PARVA: variants seen among roughly 807,000 people sequenced by gnomAD.
PARVA encodes parvin alpha, also known as alpha-parvin.
Under a neutral mutation model 52.6 loss-of-function variants are expected in PARVA, and 25 were observed. That is an observed-to-expected ratio of 0.48 (90% CI 0.35 to 0.66). PARVA has a LOEUF of 0.66. Among genes scored for constraint, PARVA ranks in the 30% least tolerant of loss-of-function variants. The pLI, the probability that PARVA is intolerant of heterozygous loss-of-function variation, is 0.01. For missense variants in PARVA, 373 were observed against 450.9 expected (o/e 0.83, Z 1.56); for synonymous variants, 185 against 179.1 (o/e 1.03, Z -0.26).
In PARVA at chr11:12,418,265, T is replaced by C. The variant is rs12574197; in HGVS notation, c.136+40482T>C. Among the ~76,000 whole-genome samples the C allele has an allele frequency of 0.021, 3,149 of 152,158 alleles. 199 individuals carry two copies. In the East Asian group the frequency reaches 0.25, roughly 12 times the overall value. Reference sequence around the variant, plus strand: ...GTGACAGACACTCCCAGTCCCTGGGTGGGTGATGTGAGTTTTGTTCCCTTA... The same window carrying C: ...GTGACAGACACTCCCAGTCCCTGGGCGGGTGATGTGAGTTTTGTTCCCTTA... On this transcript the variant is annotated intron_variant, in intron 1 of 12. Transcript: ENST00000334956.
intron 1 of PARVA, among the ~76,000 whole-genome samples, chr11:12,459,859 C>T (rs913987959): frequency 2.0e-5 from 3 of 152,086 alleles, no homozygotes; most frequent in African/African-American, 7.2e-5. Context: ...TCTTAAAGAG[C>T]ATGTTTTTCT....
chr11:12,421,476 C>T (rs1940148981), intron 1 of PARVA, among the ~76,000 whole-genome samples: 1 of 152,040 alleles, frequency 6.6e-6, no homozygotes, highest in South Asian at 2.1e-4. Flanking sequence ...TTTAATCTGC[C>T]TTTTAAAATC....
chr11:12,476,636 GA>G (rs1167269515), intron 3 of PARVA, among the ~76,000 whole-genome samples: 5 of 152,074 alleles, frequency 3.3e-5, no homozygotes, highest in Non-Finnish European at 7.4e-5. Context: ...CCCAGGATTT[GA>G]ACTCTTTATG....
chr11:12,439,055 AGGATGCAT>A (rs1430673893), intron 1 of PARVA, among the ~76,000 whole-genome samples: 1 of 152,160 alleles, frequency 6.6e-6, no homozygotes, highest in Admixed American at 6.5e-5. Context: ...TGGGAAAGAG[AGGATGCAT>A]GAATAAGACT....
intron 1 of PARVA, among the ~76,000 whole-genome samples, chr11:12,463,739 A>C (rs78922444): frequency 0.033 from 5,030 of 152,252 alleles, 307 homozygotes; most frequent in African/African-American, 0.11. Context: ...AGGATCTATG[A>C]AAATTTGAAA....
In PARVA at chr11:12,481,853, G is replaced by A. The variant is rs183114269; in HGVS notation, c.400+3904G>A. On this transcript the variant is annotated intron_variant, in intron 4 of 12. Transcript: ENST00000334956. ...GGCATAGGGGCCTCTCGTAGCCCAG[G>A]AGCATACACATCTGACATCAAGAAA... 8.3e-4 allele frequency among the ~76,000 whole-genome samples: 126 copies of A among 152,180 alleles called. 1 individual carries two copies. The South Asian group carries it at 0.016, about 20-fold the overall frequency.
At chr11:12,517,584 G>T in intron 10 of PARVA, 26 bp from the exon 11 acceptor site, 1 of 1,524,644 alleles carries the variant, frequency 6.6e-7, no homozygotes, top group East Asian at 2.4e-5. Flanking sequence ...TCAGGGGCCA[G>T]TGCCATCACC....
intron 1 of PARVA, among the ~76,000 whole-genome samples, chr11:12,382,672 A>C (rs1248176310): frequency 6.6e-6 from 1 of 152,224 alleles, no homozygotes; most frequent in Non-Finnish European, 1.5e-5. Context: ...ACAGTGTTAG[A>C]GTCCAAGAGA....
chr11:12,456,602 T>C (rs1017782643), intron 1 of PARVA, among the ~76,000 whole-genome samples: 11 of 152,098 alleles, frequency 7.2e-5, no homozygotes, highest in African/African-American at 2.4e-4. Flanking sequence ...CTAAGGGCAC[T>C]CCACAGTTCC....
intron 1 of PARVA, among the ~76,000 whole-genome samples, chr11:12,394,951 C>T (rs772587734): frequency 1.6e-4 from 25 of 152,048 alleles, no homozygotes; most frequent in Non-Finnish European, 2.8e-4. Flanking sequence ...ATTACCTGGG[C>T]GTGGTGGCTC....
chr11:12,394,898 C>A (rs1036440717), intron 1 of PARVA, among the ~76,000 whole-genome samples: 2 of 152,082 alleles, frequency 1.3e-5, no homozygotes, highest in South Asian at 4.1e-4. Flanking sequence ...TCTAGACCAG[C>A]CTGACCAACA....
At chr11:12,411,678 G>A (rs746408247) in intron 1 of PARVA, among the ~76,000 whole-genome samples, 13 of 152,120 alleles carry the variant, frequency 8.5e-5, no homozygotes, top group African/African-American at 1.4e-4. Context: ...ATGGTTAGAC[G>A]GAATTGAACA....
chr11:12,506,364 T>A (rs1941431066), intron 6 of PARVA, among the ~76,000 whole-genome samples: 1 of 152,254 alleles, frequency 6.6e-6, no homozygotes, highest in African/African-American at 2.4e-5. Flanking sequence ...TGCCCTTCTT[T>A]ATCTTCTCTT....
chr11:12,490,082 G>A (rs1424505653), intron 4 of PARVA, among the ~76,000 whole-genome samples: 1 of 152,114 alleles, frequency 6.6e-6, no homozygotes, highest in Non-Finnish European at 1.5e-5. Flanking sequence ...CGGGTGTGGT[G>A]GTGGGCACCT....
At chr11:12,411,514 A>G (rs1490913390) in intron 1 of PARVA, among the ~76,000 whole-genome samples, 1 of 152,172 alleles carries the variant, frequency 6.6e-6, no homozygotes, top group Non-Finnish European at 1.5e-5. Flanking sequence ...GGAAGGTACC[A>G]TAGTACATTA....
At chr11:12,413,612 T>C (rs1200765166) in intron 1 of PARVA, among the ~76,000 whole-genome samples, 1 of 152,222 alleles carries the variant, frequency 6.6e-6, no homozygotes. Context: ...AGCAGACTCC[T>C]CCTTCCAAGG....
chr11:12,453,437 A>G (rs1940651068), intron 1 of PARVA, among the ~76,000 whole-genome samples: 1 of 152,066 alleles, frequency 6.6e-6, no homozygotes, highest in African/African-American at 2.4e-5. Context: ...TTTTCCTAAG[A>G]CCTGACAGTG....
chr11:12,432,581 A>T (rs1328168217), intron 1 of PARVA, among the ~76,000 whole-genome samples: 3 of 152,240 alleles, frequency 2.0e-5, no homozygotes, highest in Non-Finnish European at 4.4e-5. Context: ...AGAAACAAGG[A>T]TGTTGAAGTT....
chr11:12,475,644 A>T (rs1003005206), intron 3 of PARVA, among the ~76,000 whole-genome samples: 15 of 152,184 alleles, frequency 9.9e-5, no homozygotes, highest in African/African-American at 3.1e-4. Context: ...TAGGGACTGG[A>T]GGACTGAGGG....
Sources: gnomAD v4.1 joint callset for allele counts (sites outside exome capture counted in the v4.1 genomes callset) on GRCh38, gnomAD v4.1.1 for gene constraint, MANE v1.5 for transcripts, NCBI Gene and HGNC (gene_info 2026-07-23, HGNC 2026-07-21) for gene names.